Variants in C2orf92 observed in about 807,000 individuals in gnomAD.
The protein encoded by C2orf92 is uncharacterized protein C2orf92.
intron 4 of C2orf92, among the ~76,000 whole-genome samples, chr2:97,689,461 A>G (rs958994744): frequency 1.3e-5 from 2 of 152,258 alleles, no homozygotes; most frequent in Non-Finnish European, 2.9e-5. Context: ...AAGCACACCC[A>G]TAGAAATGAC....
At chr2:97,685,697 G>C (rs1298707581) in intron 3 of C2orf92, among the ~76,000 whole-genome samples, 1 of 152,008 alleles carries the variant, frequency 6.6e-6, no homozygotes, top group Non-Finnish European at 1.5e-5. Flanking sequence ...CTAGTAGCTG[G>C]GATTATAGAT....
upstream of C2orf92, among the ~76,000 whole-genome samples, chr2:97,667,747 T>A (rs993767967): frequency 2.0e-5 from 3 of 152,156 alleles, no homozygotes; most frequent in African/African-American, 4.8e-5. Flanking sequence ...GATGATTGTC[T>A]TATAAAAGCC....
At chr2:97,688,851 T>G (rs1573219511) in intron 3 of C2orf92, 44 bp from the exon 4 acceptor site, 3 of 398,562 alleles carry the variant, frequency 7.5e-6, no homozygotes, top group Middle Eastern at 6.3e-4. Context: ...AATATATCAA[T>G]CCTGCGTTGC....
upstream of C2orf92, chr2:97,665,729 CTCTCTCTCTATATATATATATATATA>C (rs1193216779): frequency 2.9e-3 from 81 of 27,606 alleles, no homozygotes; most frequent in Non-Finnish European, 5.0e-3. Context: ...CTCTCTCTCT[CTCTCTCTCTATATATATATATATATA>C]TATATATATA....
At chr2:97,687,332 A>G (rs1416175600) in intron 3 of C2orf92, among the ~76,000 whole-genome samples, 1 of 152,222 alleles carries the variant, frequency 6.6e-6, no homozygotes, top group African/African-American at 2.4e-5. Context: ...ACACCACTGC[A>G]GTTCAGCTTG....
upstream of C2orf92, chr2:97,669,550 C>T (rs562348313): frequency 2.4e-5 from 9 of 369,558 alleles, no homozygotes; most frequent in East Asian, 3.1e-4. Flanking sequence ...GAGGAAGGCA[C>T]CAGGGAGCCG....
chr2:97,676,718 G>A (rs1337625765), intron 3 of C2orf92, among the ~76,000 whole-genome samples: 1 of 152,016 alleles, frequency 6.6e-6, no homozygotes, highest in East Asian at 1.9e-4. Context: ...GCTGCCATGA[G>A]CTATGATTGT....
At chr2:97,700,515 C>T (rs1040431308) in intron 6 of C2orf92, among the ~76,000 whole-genome samples, 1 of 152,156 alleles carries the variant, frequency 6.6e-6, no homozygotes, top group South Asian at 2.1e-4. Context: ...CTCCTCTGTT[C>T]TTCTCTTTAC....
chr2:97,676,721 A>G lies in C2orf92; in HGVS notation c.232+793A>G, dbSNP rs149127744. On this transcript the variant is annotated intron_variant, in intron 3 of 7. Transcript: ENST00000627399. ...CAGGAGTTTGAGGCTGCCATGAGCT[A>G]TGATTGTGCCACTGTACTCCAGCCT... 3.3e-3 allele frequency among the ~76,000 whole-genome samples: 496 copies of G among 150,308 alleles called. 1 individual carries two copies. Among genetic ancestry groups the G allele is most frequent in the African/African-American group, 0.011 (430 of 40,908 alleles).
At position 97,674,747 on chromosome 2, in the gene C2orf92, A is replaced by G. The variant is rs72493445; in HGVS notation, c.148+190A>G. On this transcript the variant is annotated intron_variant, in intron 2 of 7. Transcript: ENST00000627399. ...AGTCTTCCTCCCAATATGGGAGTCT[A>G]TAGGCTTCAGTGTGAATATCCCTGT... 3.6e-3 allele frequency among the ~76,000 whole-genome samples: 546 copies of G among 152,268 alleles called. 1 individual carries two copies. The highest frequency in any genetic ancestry group is 0.011 in the African/African-American group (472 of 41,528).
upstream of C2orf92, chr2:97,665,774 T>TATA (rs1415677580): frequency 7.1e-6 from 1 of 140,294 alleles, no homozygotes; most frequent in African/African-American, 2.6e-5. Context: ...TATATATATA[T>TATA]TTTGTTTTGT....
intron 5 of C2orf92, among the ~76,000 whole-genome samples, chr2:97,695,649 T>A (rs990573259): frequency 6.6e-6 from 1 of 152,264 alleles, no homozygotes; most frequent in Non-Finnish European, 1.5e-5. Flanking sequence ...AAACTGTTTC[T>A]TCAGTCAATT....
chr2:97,668,333 A>G (rs1054250335), upstream of C2orf92: 1 of 152,188 alleles, frequency 6.6e-6, no homozygotes, highest in African/African-American at 2.4e-5. Flanking sequence ...ATGTGACTGT[A>G]TTTGGAGATA....
upstream of C2orf92, chr2:97,664,058 G>A (rs1675117604): frequency 1.3e-5 from 4 of 313,526 alleles, no homozygotes; most frequent in South Asian, 1.5e-4. Context: ...GGGCGGGCCC[G>A]GCGGCCAATC....
At chr2:97,680,009 TA>T (rs1675712893) in intron 3 of C2orf92, among the ~76,000 whole-genome samples, 1 of 151,462 alleles carries the variant, frequency 6.6e-6, no homozygotes, top group African/African-American at 2.4e-5. Context: ...ACACAACAAA[TA>T]GCAAAATGGC....
At chr2:97,701,051 C>G (rs1163535423) in intron 6 of C2orf92, 103 bp from the exon 7 acceptor site, 1 of 393,934 alleles carries the variant, frequency 2.5e-6, no homozygotes, top group Non-Finnish European at 4.5e-6. Context: ...GGTTTCTATT[C>G]TGTTATGAAT....
upstream of C2orf92, chr2:97,669,537 A>T (rs1302225053): frequency 8.3e-6 from 3 of 361,440 alleles, no homozygotes; most frequent in Admixed American, 4.6e-5. Context: ...GACATGCAGG[A>T]TGGAGGAAGG....
chr2:97,670,312 T>C (rs1675371181), intron 1 of C2orf92: 1 of 152,058 alleles, frequency 6.6e-6, no homozygotes, highest in South Asian at 2.1e-4. Context: ...GGCAACATCA[T>C]GAGAGCCTGT....
rs552440352 is a variant in C2orf92 at position 97,685,366 on chromosome 2, C to T, written c.233-3529C>T. The stretch of plus-strand genomic sequence containing the variant: ...CTGCAAACTCTGCCTCCCAGGTTCA[C>T]GCCATTCTCCTGCCTTAGCCTCCTG... On this transcript the variant is annotated intron_variant, in intron 3 of 7. Coordinates refer to ENST00000627399, the MANE Select transcript of C2orf92 (RefSeq NM_001351368.2). 2.0e-3 allele frequency among the ~76,000 whole-genome samples: 290 copies of T among 147,076 alleles called. 1 individual carries two copies. Among genetic ancestry groups the T allele is most frequent in the African/African-American group, 6.8e-3 (272 of 39,722 alleles).
Sources: allele counts gnomAD v4.1 joint callset (sites outside exome capture counted in the v4.1 genomes callset), GRCh38; gene constraint gnomAD v4.1.1; transcripts MANE v1.5; gene names NCBI Gene and HGNC (gene_info 2026-07-23, HGNC 2026-07-21).